The following DLAT variants were observed in gnomAD, a reference collection of about 807,000 sequenced individuals.
DLAT encodes the protein dihydrolipoamide S-acetyltransferase, also known as dihydrolipoyllysine-residue acetyltransferase component of pyruvate dehydrogenase complex, mitochondrial.
In DLAT, 43 loss-of-function variants were observed where a neutral mutation model predicts 68.0. The ratio of observed to expected loss-of-function variants is 0.63; its 90% CI spans 0.50 to 0.81. The LOEUF (loss-of-function observed/expected upper bound fraction) is 0.81, where lower values mean the gene tolerates loss of function less well. DLAT is among the 40% of genes least tolerant of loss of function. The probability of loss-of-function intolerance (pLI) is 0.00; values close to 1 mark genes in which losing one functional copy is unlikely to be tolerated. For synonymous variants in DLAT, 265 were observed against 288.6 expected (o/e 0.92, Z 0.83); for missense variants, 745 against 815.4 (o/e 0.91, Z 1.05).
chr11:112,043,969 A>G (rs1340424839), intron 8 of DLAT, among the ~76,000 whole-genome samples: 1 of 152,206 alleles, frequency 6.6e-6, no homozygotes, highest in African/African-American at 2.4e-5. Context: ...CTTTGGTTGA[A>G]TCCAGTGATG....
Position 112,025,605 on chromosome 11 carries a change from C to A in DLAT, c.133C>A (p.Arg45Ser). The change falls in exon 1 of 14, where the codon CGC becomes AGC. Residue 45 changes from arginine (R) to serine (S), a missense_variant. Transcript: ENST00000280346. ...GCGATCTGGCCCGGCTCCCGCTCGT[C>A]GCAACAGCGTGACTACAGGGTATGG... The part of the protein sequence containing the change: ...TSRSGPAPAR[R>S]NSVTTGYGGV... 1 of 1,613,946 alleles carries A rather than the reference C, an allele frequency of 6.2e-7. No homozygotes were observed.
At position 112,051,151 on chromosome 11, in the gene DLAT, G is replaced by A. The variant is rs1592703638; in HGVS notation, c.1399-83G>A. On this transcript the variant is annotated intron_variant, in intron 10 of 13. Coordinates refer to ENST00000280346, the MANE Select transcript of DLAT (RefSeq NM_001931.5). The surrounding 1 kb of genome is among the most constrained non-coding windows in gnomAD (Gnocchi z 4.3). ...CATGTTTACCTATATAATAAACCTGGACATTCTGCACATGCACCCTGAAAC... is the reference window on the plus strand; with the variant it reads ...CATGTTTACCTATATAATAAACCTGAACATTCTGCACATGCACCCTGAAAC... The A allele has an allele frequency of 1.1e-6, 1 of 937,810 alleles. No individual in the cohort carries two copies. Among genetic ancestry groups the A allele is most frequent in the East Asian group, 2.6e-5 (1 of 39,020 alleles). The allele number at this position is 937,810 out of a possible 1,614,324, so 58.1% of individuals were successfully genotyped here. A position where few individuals can be genotyped will look rare whatever the true frequency, so the allele number is the denominator to read the frequency against.
At chr11:112,032,814 C>G (rs587736506) in intron 4 of DLAT, among the ~76,000 whole-genome samples, 1 of 152,116 alleles carries the variant, frequency 6.6e-6, no homozygotes, top group African/African-American at 2.4e-5. Flanking sequence ...GCCTGTAATC[C>G]CAGCACTTTG....
At chr11:112,044,130 G>C (rs1309680229) in intron 8 of DLAT, among the ~76,000 whole-genome samples, 5 of 152,040 alleles carry the variant, frequency 3.3e-5, no homozygotes, top group African/African-American at 1.2e-4. Flanking sequence ...TAAAAGATTT[G>C]TTCTTTTTTT....
At chr11:112,036,062 A>G (rs1555180402) in intron 5 of DLAT, among the ~76,000 whole-genome samples, 8 of 151,714 alleles carry the variant, frequency 5.3e-5, no homozygotes. Flanking sequence ...AAGTGCTGGG[A>G]TAACAGGCGT....
At chr11:112,026,614 C>T (rs1862030070) in intron 2 of DLAT, among the ~76,000 whole-genome samples, 1 of 152,178 alleles carries the variant, frequency 6.6e-6, no homozygotes, top group Admixed American at 6.5e-5. Flanking sequence ...GGACACAGCA[C>T]ATGTTTCAGA....
chr11:112,025,632 G>A lies in DLAT; in HGVS notation c.160G>A (p.Gly54Arg), dbSNP rs782529801. The change falls in exon 1 of 14, where the codon GGG (glycine) becomes AGG (arginine). Residue 54 changes from glycine (G) to arginine (R), a missense_variant. Physicochemically the swap from Gly to Arg is moderately radical, Grantham distance 125. Coordinates refer to ENST00000280346, the MANE Select transcript of DLAT (RefSeq NM_001931.5). ...RRNSVTTGYG[G>R]VRALCGWTPS... is the part of the protein sequence containing the mutation. ...CAACAGCGTGACTACAGGGTATGGCGGGGTCCGGGCACTGTGCGGCTGGAC... is the reference window on the plus strand; with the variant it reads ...CAACAGCGTGACTACAGGGTATGGCAGGGTCCGGGCACTGTGCGGCTGGAC... 1 of 1,613,536 alleles carries A rather than the reference G, an allele frequency of 6.2e-7. No individual in the cohort carries two copies. Among genetic ancestry groups the A allele is most frequent in the South Asian group, 1.1e-5 (1 of 91,078 alleles).
intron 1 of DLAT, 119 bp downstream of exon 1, chr11:112,025,870 C>T (rs1861967376): frequency 1.5e-6 from 2 of 1,335,536 alleles, no homozygotes; most frequent in African/African-American, 1.5e-5. Flanking sequence ...TCTGCTTTGG[C>T]CCTTTGTCCA....
intron 7 of DLAT, among the ~76,000 whole-genome samples, chr11:112,042,277 A>G (rs1592686924): frequency 6.6e-6 from 1 of 152,188 alleles, no homozygotes; most frequent in Non-Finnish European, 1.5e-5. Flanking sequence ...AAGTCAGGAA[A>G]TTCTTGTGGG....
chr11:112,056,663 ATTT>A (rs1555182653), intron 11 of DLAT, among the ~76,000 whole-genome samples: 2 of 152,116 alleles, frequency 1.3e-5, no homozygotes, highest in Non-Finnish European at 2.9e-5. Context: ...GTGGACATAT[ATTT>A]TTATTTCTCT....
rs587666370 is a variant in DLAT, at chr11:112,057,532, C to T, written c.1515-2371C>T. 2.6e-5 allele frequency among the ~76,000 whole-genome samples: 4 copies of T among 152,260 alleles called. No individual in the cohort carries two copies. In the East Asian group the frequency reaches 5.8e-4, roughly 22 times the overall value. On this transcript the variant is annotated intron_variant, in intron 11 of 13. Transcript: ENST00000280346. Reference sequence around the variant, plus strand: ...AAGTGAAACAGCCTTGTTGCTGATACGGAGAAAGTTTTGAGTGGTCTAGAT... The same window carrying T: ...AAGTGAAACAGCCTTGTTGCTGATATGGAGAAAGTTTTGAGTGGTCTAGAT...
intron 4 of DLAT, 124 bp downstream of exon 4, chr11:112,029,069 T>C: frequency 1.8e-6 from 2 of 1,098,618 alleles, no homozygotes; most frequent in Non-Finnish European, 2.7e-6. Context: ...TTTGGGAGTA[T>C]ATAGGTTTAA....
chr11:112,031,226 C>T (rs587722718), intron 4 of DLAT, among the ~76,000 whole-genome samples: 348 of 152,178 alleles, frequency 2.3e-3, no homozygotes, highest in African/African-American at 6.7e-3. Flanking sequence ...TTTTCCTCTC[C>T]GCATAATCCT....
At chr11:112,030,982 T>C (rs1046279449) in intron 4 of DLAT, among the ~76,000 whole-genome samples, 2 of 152,242 alleles carry the variant, frequency 1.3e-5, no homozygotes, top group Non-Finnish European at 2.9e-5. Flanking sequence ...CTACTTTGTG[T>C]CTGTAGCTTT....
chr11:112,035,290 G>A (rs1555180305), intron 5 of DLAT, among the ~76,000 whole-genome samples: 1 of 152,056 alleles, frequency 6.6e-6, no homozygotes. Flanking sequence ...CTATCTTTTT[G>A]TATTTTGTGC....
intron 5 of DLAT, 92 bp downstream of exon 5, chr11:112,033,622 T>C: frequency 7.0e-7 from 1 of 1,425,010 alleles, no homozygotes; most frequent in South Asian, 1.2e-5. Context: ...TGAGTGATAA[T>C]ATGAAAACTT....
rs1277570032 is a variant in DLAT, at chr11:112,063,347, C to T, written c.*812C>T. 3 of 152,360 alleles carry T rather than the reference C, an allele frequency of 2.0e-5. No homozygotes were observed. Among genetic ancestry groups the T allele is most frequent in the African/African-American group, 7.2e-5 (3 of 41,414 alleles). The allele number at this position is 152,360 out of a possible 1,614,324, so 9.4% of individuals were successfully genotyped here. A position where few individuals can be genotyped will look rare whatever the true frequency, so the allele number is the denominator to read the frequency against. On this transcript the variant is annotated 3_prime_UTR_variant, in exon 14 of 14. Transcript: ENST00000280346. ...TGAAACTAAAATTTTCTAAGATTAA[C>T]TGGTAGTTCATTGTAAATGAACATA...
intron 12 of DLAT, 93 bp downstream of exon 12, chr11:112,060,158 ATTTTTTT>A (rs782188808): frequency 2.4e-4 from 138 of 568,634 alleles, no homozygotes; most frequent in Middle Eastern, 2.2e-3. Context: ...CTGTCACGTA[ATTTTTTT>A]TTTTTTTTTT....
At position 112,028,826 on chromosome 11, in the gene DLAT, C is replaced by A. The variant is rs1555179690; in HGVS notation, c.541C>A (p.Leu181Met). 1 of 1,614,056 alleles carries A rather than the reference C, an allele frequency of 6.2e-7. No homozygotes were observed. Among genetic ancestry groups the A allele is most frequent in the East Asian group, 2.2e-5 (1 of 44,896 alleles). Residue 181 changes from leucine (L) to methionine (M), a missense_variant, in exon 4 of 14, where the codon CTG (leucine) becomes ATG (methionine). Transcript: ENST00000280346. ...TATTGAGGCCTTTAAAAATTATACA[C>A]TGGATTCCTCAGCAGCACCTACCCC... ...EDIEAFKNYT[L>M]DSSAAPTPQA...
Sources: gnomAD v4.1 joint callset for allele counts (sites outside exome capture counted in the v4.1 genomes callset) on GRCh38, gnomAD v4.1.1 for gene constraint, Gnocchi (gnomAD v3.1) non-coding constraint, MANE v1.5 for transcripts, NCBI Gene and HGNC (gene_info 2026-07-23, HGNC 2026-07-21) for gene names.